Variants in HADH observed in about 807,000 individuals in gnomAD.
The protein encoded by HADH is hydroxyacyl-coenzyme A dehydrogenase, mitochondrial.
A neutral mutation model predicts 32.2 loss-of-function variants in HADH; 24 were observed. The ratio of observed to expected loss-of-function variants is 0.75; its 90% CI spans 0.54 to 1.05. The LOEUF is 1.05. HADH is among the 50% of genes least tolerant of loss of function. HADH has a pLI of 0.00. For synonymous variants in HADH, 139 were observed against 152.5 expected, an observed-to-expected ratio of 0.91 and a Z score of 0.65; for missense variants, 350 against 397.1, an observed-to-expected ratio of 0.88 and a Z score of 1.01.
intron 4 of HADH, among the ~76,000 whole-genome samples, chr4:108,020,000 A>C (rs892104082): frequency 1.3e-5 from 2 of 152,224 alleles, no homozygotes; most frequent in African/African-American, 4.8e-5. Context: ...GGGCAGCTAC[A>C]TGTGTTCATA....
intron 1 of HADH, among the ~76,000 whole-genome samples, chr4:108,003,720 C>T (rs1252185925): frequency 6.6e-6 from 1 of 150,578 alleles, no homozygotes; most frequent in Non-Finnish European, 1.5e-5. Flanking sequence ...AGATCAAAAG[C>T]AAAATAAAAT....
At chr4:108,021,206 T>G (rs1735874907) in intron 4 of HADH, among the ~76,000 whole-genome samples, 1 of 152,212 alleles carries the variant, frequency 6.6e-6, no homozygotes. Context: ...AGGGACTAGT[T>G]GATTTCTTTA....
intron 3 of HADH, among the ~76,000 whole-genome samples, chr4:108,016,746 A>G (rs914668003): frequency 2.0e-5 from 3 of 152,224 alleles, no homozygotes; most frequent in African/African-American, 7.2e-5. Context: ...AAAGGTCCTC[A>G]GTTTCGTCAT....
chr4:107,993,168 T>G (rs538960166), intron 1 of HADH, among the ~76,000 whole-genome samples: 1 of 152,294 alleles, frequency 6.6e-6, no homozygotes, highest in South Asian at 2.1e-4. Flanking sequence ...TGTCCTGTCC[T>G]TTTGCCCTTT....
intron 1 of HADH, among the ~76,000 whole-genome samples, chr4:108,003,910 A>G (rs1280622681): frequency 2.6e-5 from 4 of 152,078 alleles, no homozygotes; most frequent in Non-Finnish European, 4.4e-5. Context: ...AACCCTCCCA[A>G]CAACCCTGTT....
intron 1 of HADH, among the ~76,000 whole-genome samples, chr4:108,000,249 T>A (rs181312184): frequency 6.6e-6 from 1 of 152,366 alleles, no homozygotes; most frequent in Non-Finnish European, 1.5e-5. Context: ...TCATTACACA[T>A]TTTAGGCAGG....
intron 5 of HADH, chr4:108,027,163 T>A (rs1284785841): frequency 5.5e-6 from 1 of 180,552 alleles, no homozygotes; most frequent in Non-Finnish European, 1.2e-5. Flanking sequence ...AAAGCAGTCC[T>A]CCTTTGAGGA....
At chr4:108,003,587 C>A (rs908181676) in intron 1 of HADH, among the ~76,000 whole-genome samples, 1 of 152,088 alleles carries the variant, frequency 6.6e-6, no homozygotes, top group Admixed American at 6.6e-5. Flanking sequence ...TAAGGAGGAT[C>A]CTTTTCTTCC....
Position 108,032,386 on chromosome 4 carries a change from A to C in HADH, c.710-790A>C, listed in dbSNP as rs779864180. ...GGGCTTTTCTTTAAAAGGTATCTTGACTAAAAGGTTTGTGTGAAATGTGAT... is the reference window on the plus strand; with the variant it reads ...GGGCTTTTCTTTAAAAGGTATCTTGCCTAAAAGGTTTGTGTGAAATGTGAT... On this transcript the variant is annotated intron_variant, in intron 6 of 7. Transcript: ENST00000309522. 3 of 1,581,656 alleles carry C rather than the reference A, an allele frequency of 1.9e-6. No homozygotes were observed. The East Asian group carries it at 6.7e-5, about 35-fold the overall frequency.
chr4:108,023,081 C>T (rs1370933056), intron 4 of HADH, among the ~76,000 whole-genome samples: 1 of 151,742 alleles, frequency 6.6e-6, no homozygotes, highest in East Asian at 1.9e-4. Flanking sequence ...GCAACCTCCA[C>T]CTCCCAGGTT....
chr4:108,033,185 C>G lies in HADH; in HGVS notation c.719C>G (p.Ser240Cys). 3 of 1,582,850 alleles carry G rather than the reference C, an allele frequency of 1.9e-6. No homozygotes were observed. Among genetic ancestry groups the G allele is most frequent in the Middle Eastern group, 1.7e-4 (1 of 6,012 alleles). ...AIRLYERGDA[S>C]KEDIDTAMKL... ...GCCGTTTTCTCCTTAGGTGACGCAT[C>G]CAAAGAAGACATTGACACTGCTATG... Residue 240 changes from serine (S) to cysteine (C), a missense_variant, in exon 7 of 8, where the codon TCC (serine) becomes TGC (cysteine). Ser to Cys is a moderately radical substitution (Grantham distance 112). Transcript: ENST00000309522.
chr4:108,032,127 CTTT>C, intron 6 of HADH: 10 of 7,552 alleles, frequency 1.3e-3, no homozygotes, highest in East Asian at 0.043. Flanking sequence ...ATTTTTCCCT[CTTT>C]TCTTTAGCTT....
At chr4:107,995,871 C>T (rs573610665) in intron 1 of HADH, among the ~76,000 whole-genome samples, 5 of 152,148 alleles carry the variant, frequency 3.3e-5, no homozygotes, top group East Asian at 1.9e-4. Flanking sequence ...CCCAGGTTGA[C>T]GTCTCCTTGG....
chr4:108,004,139 C>G (rs1039198760), intron 1 of HADH, among the ~76,000 whole-genome samples: 72 of 152,158 alleles, frequency 4.7e-4, no homozygotes, highest in African/African-American at 1.7e-3. Flanking sequence ...AATGTGCCTT[C>G]CCCAAAGGCA....
chr4:107,993,334 C>T (rs1734867651), intron 1 of HADH, among the ~76,000 whole-genome samples: 1 of 152,116 alleles, frequency 6.6e-6, no homozygotes. Context: ...TCAGGGACCT[C>T]TGAAAGGAGG....
chr4:108,011,788 C>T (rs985659599), intron 2 of HADH, among the ~76,000 whole-genome samples: 2 of 152,156 alleles, frequency 1.3e-5, no homozygotes, highest in African/African-American at 4.8e-5. Context: ...TTCCAATTTC[C>T]CCACATCCTG....
At chr4:107,996,897 A>G (rs1333988584) in intron 1 of HADH, among the ~76,000 whole-genome samples, 2 of 146,284 alleles carry the variant, frequency 1.4e-5, no homozygotes. Flanking sequence ...CCTTCTCAAA[A>G]AAAAAAAAAA....
At chr4:108,022,201 A>ATGTGTGTGTGTGTGTGTGTG (rs56746496) in intron 4 of HADH, among the ~76,000 whole-genome samples, 1 of 139,666 alleles carries the variant, frequency 7.2e-6, no homozygotes, top group African/African-American at 2.7e-5. Flanking sequence ...GTGTGTGTGT[A>ATGTGTGTGTGTGTGTGTGTG]TGTGTGTGTG....
chr4:108,013,223 G>A (rs575647148), intron 2 of HADH, among the ~76,000 whole-genome samples: 15 of 152,326 alleles, frequency 9.8e-5, no homozygotes, highest in African/African-American at 2.9e-4. Context: ...GAGCCACTGC[G>A]CCCGGACCAT....
Sources: allele counts gnomAD v4.1 joint callset (sites outside exome capture counted in the v4.1 genomes callset), GRCh38; gene constraint gnomAD v4.1.1; transcripts MANE v1.5; gene names NCBI Gene and HGNC (gene_info 2026-07-23, HGNC 2026-07-21).